SPTAN1: variants seen among roughly 807,000 people sequenced by gnomAD.
The protein encoded by SPTAN1 is spectrin alpha, non-erythrocytic 1.
In SPTAN1, 61 loss-of-function variants were observed where a neutral mutation model predicts 331.3. The observed-to-expected ratio is 0.18, with a 90% CI of 0.15 to 0.23. SPTAN1 has a LOEUF of 0.23. Ranked by LOEUF, SPTAN1 falls within the 10% of genes least tolerant of loss-of-function variation. The probability of loss-of-function intolerance (pLI) is 1.00; values close to 1 mark genes in which losing one functional copy is unlikely to be tolerated. For synonymous variants in SPTAN1, 1,153 were observed against 1,173.9 expected, an observed-to-expected ratio of 0.98 and a Z score of 0.36; for missense variants, 2,043 against 3,147.9, an observed-to-expected ratio of 0.65 and a Z score of 8.40.
chr9:128,574,649 T>A (rs746712451), intron 3 of SPTAN1, 26 bp from the exon 4 acceptor site: 1 of 1,614,122 alleles, frequency 6.2e-7, no homozygotes, highest in South Asian at 1.1e-5. Context: ...TGTGATCTGA[T>A]TAAAACTCTG....
rs1852074765 is a variant in SPTAN1, at chr9:128,582,561, GT to G, written c.1650+8del. The G allele has an allele frequency of 1.2e-6, 2 of 1,613,514 alleles. No individual in the cohort carries two copies. Among genetic ancestry groups the G allele is most frequent in the African/African-American group, 2.7e-5 (2 of 74,926 alleles). On this transcript the variant is annotated splice_donor_region_variant and intron_variant, in intron 13 of 56. Coordinates refer to ENST00000372739, the MANE Select transcript of SPTAN1 (RefSeq NM_001130438.3). Reference sequence around the variant, plus strand: ...GTGGCCACTCGCCGAGATGCTGTAAGTTTGTAGGTTCTTCATGCTCCTCCTT... The same window carrying G: ...GTGGCCACTCGCCGAGATGCTGTAAGTTGTAGGTTCTTCATGCTCCTCCTT...
In SPTAN1 at chr9:128,621,372, G is replaced by C. The variant is rs529583158; in HGVS notation, c.5832+116G>C. ...ATGTTCACCAAACCAAGGTCTGCGT[G>C]GAGACCAGCAGCAATTCCATTCCTG... On this transcript the variant is annotated intron_variant, in intron 45 of 56. Coordinates refer to ENST00000372739, the MANE Select transcript of SPTAN1 (RefSeq NM_001130438.3). The C allele has an allele frequency of 1.0e-3, 822 of 824,424 alleles. 6 individuals carry two copies. Among genetic ancestry groups the C allele is most frequent in the Non-Finnish European group, 3.4e-4 (163 of 486,360 alleles). 51.1% of individuals were successfully genotyped at this position (824,424 alleles called of 1,614,324 possible).
intron 11 of SPTAN1, 119 bp downstream of exon 11, chr9:128,581,178 G>C (rs1564219470): frequency 4.4e-6 from 6 of 1,364,944 alleles, no homozygotes; most frequent in African/African-American, 1.4e-5. Flanking sequence ...TGAATCCATT[G>C]AAGAGGGGGA....
In SPTAN1 at chr9:128,564,075, A is replaced by G. The variant is rs1231243185; in HGVS notation, c.-3-2663A>G. On this transcript the variant is annotated intron_variant, in intron 1 of 56. Coordinates refer to ENST00000372739, the MANE Select transcript of SPTAN1 (RefSeq NM_001130438.3). Reference sequence around the variant, plus strand: ...GATCATTTGAGCCCAGGAGTTCAAGACCAGCCTAGGCAACCTATCAAAACC... The same window carrying G: ...GATCATTTGAGCCCAGGAGTTCAAGGCCAGCCTAGGCAACCTATCAAAACC... 3.3e-5 allele frequency among the ~76,000 whole-genome samples: 5 copies of G among 152,104 alleles called. No individual in the cohort carries two copies. In the East Asian group the frequency reaches 9.6e-4, roughly 29 times the overall value.
chr9:128,613,276 A>G (rs1856771388), intron 39 of SPTAN1, 105 bp from the exon 40 acceptor site: 2 of 875,284 alleles, frequency 2.3e-6, no homozygotes, highest in East Asian at 2.5e-5. Context: ...GAAGTATTCA[A>G]CTGTCCAAGC....
intron 45 of SPTAN1, chr9:128,621,915 A>G (rs921304393): frequency 1.9e-5 from 3 of 159,420 alleles, no homozygotes; most frequent in African/African-American, 4.8e-5. Context: ...TTCACCAGCA[A>G]TCACTCAGGT....
rs1853526421 is a variant in SPTAN1 at position 128,591,540 on chromosome 9, T to C, written c.3070T>C (p.Leu1024=). 6.2e-7 allele frequency: 1 copy of C among 1,614,072 alleles called. No individual in the cohort carries two copies. Reference sequence around the variant, plus strand: ...TGTGCCGGCTGCGTACGTGAAGAAATTGGACCCCGCCCAGTCAGCCTCCCG... The same window carrying C: ...TGTGCCGGCTGCGTACGTGAAGAAACTGGACCCCGCCCAGTCAGCCTCCCG... ...GFVPAAYVKK[L]DPAQSASREN... Residue 1024 remains leucine (L), a synonymous_variant, in exon 22 of 57, where the codon TTG becomes CTG. Coordinates refer to ENST00000372739, the MANE Select transcript of SPTAN1 (RefSeq NM_001130438.3).
intron 1 of SPTAN1, among the ~76,000 whole-genome samples, chr9:128,556,232 T>C (rs1443615152): frequency 1.3e-5 from 2 of 151,654 alleles, no homozygotes; most frequent in Non-Finnish European, 1.5e-5. Flanking sequence ...AAAAAAAAAA[T>C]TAAAAAACAG....
intron 1 of SPTAN1, among the ~76,000 whole-genome samples, chr9:128,563,528 C>G (rs528670071): frequency 1.3e-5 from 2 of 152,300 alleles, no homozygotes; most frequent in East Asian, 3.9e-4. Context: ...TAGCTTTAGT[C>G]AGCACATTCT....
chr9:128,583,533 A>G (rs368100790), intron 15 of SPTAN1, among the ~76,000 whole-genome samples: 1 of 152,164 alleles, frequency 6.6e-6, no homozygotes, highest in African/African-American at 2.4e-5. Context: ...CTGAAAATCA[A>G]AGTTCAGCTG....
intron 28 of SPTAN1, 113 bp downstream of exon 28, chr9:128,603,703 C>T: frequency 7.7e-7 from 1 of 1,290,650 alleles, no homozygotes; most frequent in Non-Finnish European, 1.1e-6. Context: ...TGACATATCT[C>T]ACTCTATTGG....
At chr9:128,624,245 G>A (rs1224528525) in intron 45 of SPTAN1, 83 bp from the exon 46 acceptor site, 1 of 1,574,388 alleles carries the variant, frequency 6.4e-7, no homozygotes, top group African/African-American at 1.3e-5. Context: ...TTTTATAGAA[G>A]TTTAGAGCCT....
At position 128,588,791 on chromosome 9, in the gene SPTAN1, C is replaced by T. The variant is rs528987011; in HGVS notation, c.2872-18C>T. On this transcript the variant is annotated intron_variant, in intron 20 of 56. Coordinates refer to ENST00000372739, the MANE Select transcript of SPTAN1 (RefSeq NM_001130438.3). ...CGGACGTGTTTTTACCATGTTTGCC[C>T]TTCCTTTGGATTTTTAGCAACAAGT... is the stretch of plus-strand genomic sequence containing the variant. The T allele has an allele frequency of 6.2e-7, 1 of 1,613,784 alleles. No homozygotes were observed. The highest frequency in any genetic ancestry group is 1.1e-5 in the South Asian group (1 of 91,066).
intron 23 of SPTAN1, chr9:128,593,513 A>T (rs1385146739): frequency 3.4e-5 from 7 of 207,728 alleles, no homozygotes; most frequent in Non-Finnish European, 7.0e-5. Flanking sequence ...GTGTTCAAAG[A>T]TAATATTTCA....
chr9:128,575,363 G>A lies in SPTAN1; in HGVS notation c.651+18G>A, dbSNP rs1419393335. On this transcript the variant is annotated intron_variant, in intron 5 of 56. Transcript: ENST00000372739. ...TCATACAGGTAAATAGCAAAGTGCTGTATGCTTCTCACAACATTATTATGT... is the reference window on the plus strand; with the variant it reads ...TCATACAGGTAAATAGCAAAGTGCTATATGCTTCTCACAACATTATTATGT... 1 of 1,608,086 alleles carries A rather than the reference G, an allele frequency of 6.2e-7. No homozygotes were observed. Among genetic ancestry groups the A allele is most frequent in the Admixed American group, 1.7e-5 (1 of 60,030 alleles).
chr9:128,623,467 T>G (rs1858219065), intron 45 of SPTAN1, among the ~76,000 whole-genome samples: 7 of 151,316 alleles, frequency 4.6e-5, no homozygotes, highest in Admixed American at 4.6e-4. Flanking sequence ...ATTCGTTTTT[T>G]TTGTTTGAGA....
intron 37 of SPTAN1, chr9:128,611,506 A>G: frequency 1.7e-6 from 1 of 587,490 alleles, no homozygotes; most frequent in Non-Finnish European, 3.0e-6. Flanking sequence ...CTCCTGAGCT[A>G]GTACATTTCC....
intron 45 of SPTAN1, among the ~76,000 whole-genome samples, chr9:128,623,002 C>G (rs550254434): frequency 6.6e-6 from 1 of 152,000 alleles, no homozygotes; most frequent in Non-Finnish European, 1.5e-5. Context: ...CCGCCTGCCT[C>G]GGCCTCCCAA....
At chr9:128,563,218 C>T (rs1849624408) in intron 1 of SPTAN1, among the ~76,000 whole-genome samples, 1 of 151,630 alleles carries the variant, frequency 6.6e-6, no homozygotes, top group Non-Finnish European at 1.5e-5. Context: ...GAGTTCGAGA[C>T]TAGCCTGGGC....
Sources: allele counts gnomAD v4.1 joint callset (sites outside exome capture counted in the v4.1 genomes callset), GRCh38; gene constraint gnomAD v4.1.1; transcripts MANE v1.5; gene names NCBI Gene and HGNC (gene_info 2026-07-23, HGNC 2026-07-21).